The following LTBP2 variants were observed in gnomAD, a reference collection of about 807,000 sequenced individuals.
The protein encoded by LTBP2 is latent transforming growth factor beta binding protein 2, also known as latent-transforming growth factor beta-binding protein 2.
Under a neutral mutation model 210.6 loss-of-function variants are expected in LTBP2, and 103 were observed. The observed-to-expected ratio is 0.49, with a 90% confidence interval of 0.42 to 0.58. The LOEUF (loss-of-function observed/expected upper bound fraction) is 0.58. LTBP2 is among the 20% of genes least tolerant of loss of function. The probability of loss-of-function intolerance (pLI) is 0.00; values close to 1 mark genes in which losing one functional copy is unlikely to be tolerated. For synonymous variants in LTBP2, 1,007 were observed against 1,015.0 expected (o/e 0.99, Z 0.15); for missense variants, 2,313 against 2,494.5 (o/e 0.93, Z 1.55).
intron 11 of LTBP2, 30 bp from the exon 12 acceptor site, chr14:74,528,728 G>A: frequency 2.5e-6 from 4 of 1,605,394 alleles, no homozygotes; most frequent in Non-Finnish European, 3.4e-6. Flanking sequence ...AGGACAAACT[G>A]AGAGGTGCTG....
At position 74,500,931 on chromosome 14, in the gene LTBP2, C is replaced by T; in HGVS notation, c.5419G>A (p.Gly1807Arg). The part of the protein sequence containing the change: ...EGSYRCHCSP[G>R]YVAEAGPPHC... ...GGGGGCCCTGCCTCAGCCACATATC[C>T]CGGGGAGCAGTGGCAGCGGTAGGAG... Residue 1807 changes from glycine (G) to arginine (R), a missense_variant, in exon 36 of 36, where the codon GGA becomes AGA. Transcript: ENST00000261978. The T allele has an allele frequency of 6.2e-7, 1 of 1,614,180 alleles. No homozygotes were observed. The highest frequency in any genetic ancestry group is 1.1e-5 in the South Asian group (1 of 91,090).
intron 18 of LTBP2, among the ~76,000 whole-genome samples, chr14:74,513,163 A>G (rs1214007141): frequency 6.6e-6 from 1 of 152,194 alleles, no homozygotes; most frequent in Non-Finnish European, 1.5e-5. Context: ...TCCTGCCCCA[A>G]ACATGCTGGG....
intron 9 of LTBP2, among the ~76,000 whole-genome samples, chr14:74,533,736 T>C (rs1321295804): frequency 1.3e-5 from 2 of 152,164 alleles, no homozygotes; most frequent in Non-Finnish European, 2.9e-5. Flanking sequence ...GGAGGTGCAC[T>C]GGTTTCTTCT....
rs2088212830 is a variant in LTBP2 at position 74,586,865 on chromosome 14, G to A, written c.566-747C>T. Reference sequence around the variant, plus strand: ...AGCTGCCGGCACCACAGCCGCTGCCGGCCAGGTAAGTGCCCCGCTCTGTGG... The same window carrying A: ...AGCTGCCGGCACCACAGCCGCTGCCAGCCAGGTAAGTGCCCCGCTCTGTGG... On this transcript the variant is annotated intron_variant, in intron 2 of 35. Transcript: ENST00000261978. The surrounding 1 kb of genome is among the most constrained non-coding windows in gnomAD (Gnocchi z 4.6). 6.6e-6 allele frequency among the ~76,000 whole-genome samples: 1 copy of A among 152,172 alleles called. No individual in the cohort carries two copies. The highest frequency in any genetic ancestry group is 2.1e-4 in the South Asian group (1 of 4,824).
Position 74,501,593 on chromosome 14 carries a change from G to T in LTBP2, c.5171-3C>A. The T allele has an allele frequency of 6.2e-7, 1 of 1,613,994 alleles. No homozygotes were observed. Among genetic ancestry groups the T allele is most frequent in the Non-Finnish European group, 8.5e-7 (1 of 1,180,022 alleles). ...CCCTTCGAAGCCGGCTGGGGGCTCTGGGAGGAGGAAATCGGAGAGAGGAGG... is the reference window on the plus strand; with the variant it reads ...CCCTTCGAAGCCGGCTGGGGGCTCTTGGAGGAGGAAATCGGAGAGAGGAGG... On this transcript the variant is annotated splice_region_variant and splice_polypyrimidine_tract_variant and intron_variant, in intron 34 of 35. Coordinates refer to ENST00000261978, the MANE Select transcript of LTBP2 (RefSeq NM_000428.3).
chr14:74,612,176 C>T lies in LTBP2; in HGVS notation c.-232G>A, dbSNP rs61980926. On this transcript the variant is annotated 5_prime_UTR_variant, in exon 1 of 36. Transcript: ENST00000261978. ...AGCTGGGCTCGCACGGCTGCTGCAC[C>T]TTCGCGCCTCCTCCCTGTGCCTGCA... 24,926 of 501,176 alleles carry T rather than the reference C, an allele frequency of 0.05. 1,006 individuals carry two copies. The highest frequency in any genetic ancestry group is 0.12 in the African/African-American group (5,832 of 49,004). 31.0% of individuals were successfully genotyped at this position (501,176 alleles called of 1,614,324 possible). A position where few individuals can be genotyped will look rare whatever the true frequency, so the allele number is the denominator to read the frequency against.
chr14:74,575,002 G>A (rs986466530), intron 3 of LTBP2, among the ~76,000 whole-genome samples: 9 of 152,194 alleles, frequency 5.9e-5, no homozygotes, highest in African/African-American at 1.9e-4. Context: ...ACCCAGAGAT[G>A]TCTGCTCTGT....
intron 23 of LTBP2, 31 bp downstream of exon 23, chr14:74,508,799 C>T (rs542363733): frequency 1.9e-6 from 3 of 1,613,556 alleles, no homozygotes; most frequent in African/African-American, 2.7e-5. Flanking sequence ...TCATGCCCCC[C>T]ACCCCCAGTA....
intron 2 of LTBP2, among the ~76,000 whole-genome samples, chr14:74,594,319 C>T (rs536213645): frequency 6.6e-6 from 1 of 152,304 alleles, no homozygotes; most frequent in East Asian, 1.9e-4. Flanking sequence ...GCACCAACTT[C>T]AGGGTGGGCC....
chr14:74,534,888 G>A (rs950201421), intron 9 of LTBP2, among the ~76,000 whole-genome samples: 2 of 152,046 alleles, frequency 1.3e-5, no homozygotes, highest in African/African-American at 4.8e-5. Context: ...CTGAATCTTG[G>A]GGCTCAGTAG....
At chr14:74,589,901 T>C (rs1166917618) in intron 2 of LTBP2, among the ~76,000 whole-genome samples, 1 of 152,116 alleles carries the variant, frequency 6.6e-6, no homozygotes, top group Admixed American at 6.6e-5. Context: ...TCATGCAGCT[T>C]CCACCTCTGA....
chr14:74,509,971 C>T (rs2087049030), intron 20 of LTBP2, 112 bp from the exon 21 acceptor site: 1 of 1,609,304 alleles, frequency 6.2e-7, no homozygotes, highest in African/African-American at 1.3e-5. Context: ...TGTGTTGGGT[C>T]AGTGTGAATA....
intron 2 of LTBP2, among the ~76,000 whole-genome samples, chr14:74,594,385 G>A (rs1027484262): frequency 6.6e-6 from 1 of 152,126 alleles, no homozygotes; most frequent in Non-Finnish European, 1.5e-5. Context: ...TGGTCTGGGG[G>A]AAGAACTTCA....
intron 6 of LTBP2, 78 bp downstream of exon 6, chr14:74,552,109 G>A: frequency 7.2e-7 from 1 of 1,391,768 alleles, no homozygotes; most frequent in Non-Finnish European, 9.9e-7. Flanking sequence ...CCCTATCCCT[G>A]TCACAGCCAT....
intron 35 of LTBP2, 102 bp downstream of exon 35, chr14:74,501,339 G>A (rs1054095766): frequency 1.5e-5 from 23 of 1,535,780 alleles, no homozygotes; most frequent in Admixed American, 3.3e-5. Flanking sequence ...GATGCAGACA[G>A]CCCCACTAGG....
chr14:74,551,110 G>A lies in LTBP2; in HGVS notation c.1640C>T (p.Pro547Leu), dbSNP rs750820346. ...PRPLPPAAPR[P>L]RGLLGRCYLN... is the part of the protein sequence containing the mutation. ...GTAACACCGGCCCAGCAGTCCTCGA[G>A]GCCTGGGTGCTGCTGGGGGCAGTGG... Residue 547 changes from proline to leucine, a missense_variant, in exon 7 of 36, where the codon CCT becomes CTT. Transcript: ENST00000261978. 3.1e-6 allele frequency: 5 copies of A among 1,613,846 alleles called. No homozygotes were observed. The highest frequency in any genetic ancestry group is 1.6e-4 in the Middle Eastern group (1 of 6,062).
At chr14:74,571,101 G>A (rs578012266) in intron 3 of LTBP2, among the ~76,000 whole-genome samples, 1 of 151,578 alleles carries the variant, frequency 6.6e-6, no homozygotes, top group African/African-American at 2.4e-5. Flanking sequence ...GAAGGCTGAG[G>A]TGGGCGGATC....
intron 8 of LTBP2, among the ~76,000 whole-genome samples, chr14:74,543,993 G>A (rs1277262833): frequency 1.3e-5 from 2 of 152,184 alleles, no homozygotes; most frequent in Admixed American, 6.5e-5. Flanking sequence ...TCCGCTCTCC[G>A]GGCTAGAGGT....
chr14:74,547,512 C>T (rs183651790), intron 8 of LTBP2, among the ~76,000 whole-genome samples: 132 of 152,216 alleles, frequency 8.7e-4, no homozygotes, highest in South Asian at 6.7e-3. Context: ...TTTACACTCA[C>T]GCTGTTGGCA....
Sources: allele counts gnomAD v4.1 joint callset (sites outside exome capture counted in the v4.1 genomes callset), GRCh38; gene constraint gnomAD v4.1.1; non-coding constraint Gnocchi (gnomAD v3.1); transcripts MANE v1.5; gene names NCBI Gene and HGNC (gene_info 2026-07-23, HGNC 2026-07-21).